The following DNAH7 variants were observed in gnomAD, a reference collection of about 807,000 sequenced individuals.
The protein encoded by DNAH7 is axonemal beta dynein heavy chain 7.
In DNAH7, 397 loss-of-function variants were observed where a neutral mutation model predicts 444.6. The ratio of observed to expected loss-of-function variants is 0.89; its 90% CI spans 0.82 to 0.97. The LOEUF (loss-of-function observed/expected upper bound fraction) is 0.97. DNAH7 is among the 50% of genes least tolerant of loss of function. The pLI, the probability that DNAH7 is intolerant of heterozygous loss-of-function variation, is 0.00. For synonymous variants in DNAH7, 1,636 were observed against 1,624.4 expected (o/e 1.01, Z -0.17); for missense variants, 4,902 against 4,800.8 (o/e 1.02, Z -0.62).
At chr2:195,806,529 T>C (rs868267808) in intron 54 of DNAH7, among the ~76,000 whole-genome samples, 1 of 152,320 alleles carries the variant, frequency 6.6e-6, no homozygotes, top group Middle Eastern at 3.4e-3. Flanking sequence ...AATAAAATTA[T>C]ACAATATAAT....
chr2:196,004,570 C>T (rs78528494), intron 10 of DNAH7, among the ~76,000 whole-genome samples: 1,701 of 152,096 alleles, frequency 0.011, 34 homozygotes, highest in East Asian at 0.07. Flanking sequence ...TGAATGGAAA[C>T]GAAAACACCA....
chr2:196,065,666 T>C (rs1698389640), intron 1 of DNAH7, among the ~76,000 whole-genome samples: 1 of 152,204 alleles, frequency 6.6e-6, no homozygotes, highest in South Asian at 2.1e-4. Flanking sequence ...CTGTTCCCTG[T>C]TGTTCTGATA....
At chr2:195,969,176 G>A in intron 17 of DNAH7, among the ~76,000 whole-genome samples, 1 of 152,184 alleles carries the variant, frequency 6.6e-6, no homozygotes, top group East Asian at 1.9e-4. Context: ...GTGGGTGGTG[G>A]GGGGAGCAAT....
chr2:195,767,168 A>AT (rs1404140917), intron 61 of DNAH7, among the ~76,000 whole-genome samples: 1 of 152,054 alleles, frequency 6.6e-6, no homozygotes. Flanking sequence ...TTAAATTTTC[A>AT]TTTAAATTTT....
At chr2:196,031,307 G>A (rs768722705) in intron 5 of DNAH7, among the ~76,000 whole-genome samples, 15 of 152,166 alleles carry the variant, frequency 9.9e-5, no homozygotes, top group Admixed American at 1.3e-4. Flanking sequence ...CACACAGCAC[G>A]GGGACCCTGG....
intron 5 of DNAH7, among the ~76,000 whole-genome samples, chr2:196,030,969 T>A (rs6748889): frequency 6.6e-6 from 1 of 152,068 alleles, no homozygotes; most frequent in East Asian, 1.9e-4. Context: ...ACAGCTCCAC[T>A]AGGCGGTGCC....
intron 61 of DNAH7, among the ~76,000 whole-genome samples, chr2:195,764,076 T>A (rs1227533085): frequency 6.6e-6 from 1 of 152,030 alleles, no homozygotes; most frequent in Admixed American, 6.5e-5. Flanking sequence ...CAAGAATGAT[T>A]CAACATACAC....
At chr2:196,019,688 C>A (rs1020196359) in intron 8 of DNAH7, among the ~76,000 whole-genome samples, 1 of 152,118 alleles carries the variant, frequency 6.6e-6, no homozygotes, top group Non-Finnish European at 1.5e-5. Flanking sequence ...TTTTAAAATT[C>A]CTCTTTTATT....
At chr2:195,921,958 C>A in intron 24 of DNAH7, 130 bp downstream of exon 24, 1 of 577,496 alleles carries the variant, frequency 1.7e-6, no homozygotes, top group South Asian at 2.8e-5. Flanking sequence ...AGAGGAAAAT[C>A]AAGGGTCTAG....
intron 19 of DNAH7, among the ~76,000 whole-genome samples, chr2:195,943,901 T>C (rs575048042): frequency 1.1e-4 from 16 of 152,314 alleles, no homozygotes; most frequent in African/African-American, 3.8e-4. Context: ...ATTAAGTTCC[T>C]CCTTTTGCAG....
intron 55 of DNAH7, 131 bp from the exon 56 acceptor site, chr2:195,796,868 G>T: frequency 1.1e-6 from 1 of 910,486 alleles, no homozygotes; most frequent in Non-Finnish European, 1.6e-6. Context: ...CCAAACACAT[G>T]CATCCCTAAA....
intron 18 of DNAH7, 135 bp from the exon 19 acceptor site, chr2:195,957,582 GTATATAATGTTATACAATTGTTATACAT>G (rs1690766705): frequency 2.3e-6 from 1 of 442,498 alleles, no homozygotes; most frequent in Non-Finnish European, 4.0e-6. Flanking sequence ...ATACAATCTT[GTATATAATGTTATACAATTGTTATACAT>G]TATATACAAT....
intron 49 of DNAH7, 150 bp from the exon 50 acceptor site, chr2:195,817,979 G>A (rs890364906): frequency 1.1e-4 from 57 of 535,178 alleles, no homozygotes; most frequent in South Asian, 1.9e-4. Context: ...TATGATTAAC[G>A]ACATAGGCAA....
intron 27 of DNAH7, chr2:195,901,106 T>C (rs573037474): frequency 1.3e-5 from 2 of 152,166 alleles, no homozygotes; most frequent in African/African-American, 2.4e-5. Flanking sequence ...AATAATAATG[T>C]ATTATATTCT....
intron 20 of DNAH7, among the ~76,000 whole-genome samples, chr2:195,935,922 T>G (rs559157321): frequency 1.3e-5 from 2 of 152,058 alleles, no homozygotes; most frequent in Non-Finnish European, 2.9e-5. Flanking sequence ...GTGGGCTGCA[T>G]GCAGAGTGAG....
intron 61 of DNAH7, among the ~76,000 whole-genome samples, chr2:195,768,718 T>C (rs1452176676): frequency 2.0e-5 from 3 of 152,172 alleles, no homozygotes; most frequent in Admixed American, 1.3e-4. Context: ...GCTGGAATCC[T>C]GGGTAAATTA....
At chr2:196,033,062 A>T (rs1329694128) in intron 5 of DNAH7, among the ~76,000 whole-genome samples, 2 of 152,220 alleles carry the variant, frequency 1.3e-5, no homozygotes, top group Non-Finnish European at 2.9e-5. Context: ...GGATTCATTC[A>T]TGATAAAATC....
chr2:195,763,143 C>A (rs1421559541), intron 61 of DNAH7, among the ~76,000 whole-genome samples: 3 of 152,030 alleles, frequency 2.0e-5, no homozygotes, highest in Non-Finnish European at 4.4e-5. Flanking sequence ...AAAGGAAATT[C>A]AAAATTTTCT....
At chr2:195,760,420 A>G (rs577229309) in intron 61 of DNAH7, among the ~76,000 whole-genome samples, 4 of 152,258 alleles carry the variant, frequency 2.6e-5, no homozygotes, top group African/African-American at 4.8e-5. Context: ...CAGGGCCTTG[A>G]GCAAACATAG....
Sources: gnomAD v4.1 joint callset for allele counts (sites outside exome capture counted in the v4.1 genomes callset) on GRCh38, gnomAD v4.1.1 for gene constraint, MANE v1.5 for transcripts, NCBI Gene and HGNC (gene_info 2026-07-23, HGNC 2026-07-21) for gene names.